The following KIAA0319 variants were observed in gnomAD, a reference collection of about 807,000 sequenced individuals.
KIAA0319 encodes the protein KIAA0319.
A neutral mutation model predicts 108.4 loss-of-function variants in KIAA0319; 83 were observed. The observed-to-expected ratio is 0.77, with a 90% CI of 0.64 to 0.92. KIAA0319 has a LOEUF of 0.92. KIAA0319 is among the 40% of genes least tolerant of loss of function. The pLI is 0.00. For synonymous variants in KIAA0319, 484 were observed against 510.4 expected (o/e 0.95, Z 0.70); for missense variants, 1,195 against 1,322.4 (o/e 0.90, Z 1.49).
chr6:24,554,879 T>A (rs1193876683), intron 18 of KIAA0319, among the ~76,000 whole-genome samples: 1 of 152,196 alleles, frequency 6.6e-6, no homozygotes, highest in Non-Finnish European at 1.5e-5. Context: ...TCATGCGAAC[T>A]TGGGAACAGA....
chr6:24,613,863 G>T (rs1772751130), intron 1 of KIAA0319, among the ~76,000 whole-genome samples: 1 of 152,012 alleles, frequency 6.6e-6, no homozygotes, highest in East Asian at 1.9e-4. Flanking sequence ...ATCTCAGCTG[G>T]GGCTGAGTGT....
chr6:24,585,976 T>C (rs1008293183), intron 4 of KIAA0319, among the ~76,000 whole-genome samples: 2 of 152,110 alleles, frequency 1.3e-5, no homozygotes, highest in Non-Finnish European at 2.9e-5. Flanking sequence ...GTAATCCCAG[T>C]TACTCAGGAA....
At chr6:24,605,946 T>G (rs1013655296) in intron 1 of KIAA0319, among the ~76,000 whole-genome samples, 2 of 151,968 alleles carry the variant, frequency 1.3e-5, no homozygotes, top group East Asian at 3.9e-4. Flanking sequence ...ATGTTTCTTT[T>G]TTTTTTTGAG....
At chr6:24,607,247 T>G (rs1164392046) in intron 1 of KIAA0319, among the ~76,000 whole-genome samples, 1 of 152,244 alleles carries the variant, frequency 6.6e-6, no homozygotes, top group African/African-American at 2.4e-5. Context: ...TCCCAGCTAC[T>G]TGAGAGGCTG....
intron 3 of KIAA0319, among the ~76,000 whole-genome samples, chr6:24,592,083 T>G (rs1301603818): frequency 6.6e-6 from 1 of 152,224 alleles, no homozygotes; most frequent in Non-Finnish European, 1.5e-5. Flanking sequence ...TGCTATGCTT[T>G]TGATGTACTA....
chr6:24,564,498 G>A (rs1049189079), intron 14 of KIAA0319, among the ~76,000 whole-genome samples, 158 bp from the exon 15 acceptor site: 10 of 152,130 alleles, frequency 6.6e-5, no homozygotes, highest in Non-Finnish European at 1.2e-4. Flanking sequence ...GCTAAAGACT[G>A]GAGAAATCCT....
chr6:24,584,406 T>C (rs972544084), intron 4 of KIAA0319, among the ~76,000 whole-genome samples: 1 of 120,382 alleles, frequency 8.3e-6, no homozygotes, highest in Non-Finnish European at 1.6e-5. Flanking sequence ...TATGTCCAGA[T>C]ACTACACAGA....
Position 24,593,187 on chromosome 6 carries a change from C to T in KIAA0319, c.801+2686G>A, listed in dbSNP as rs985545635. Among the ~76,000 whole-genome samples, 6 of 152,030 alleles carry T rather than the reference C, an allele frequency of 3.9e-5. No homozygotes were observed. In the South Asian group the frequency reaches 1.2e-3, roughly 32 times the overall value. On this transcript the variant is annotated intron_variant, in intron 3 of 20. Transcript: ENST00000378214. ...CTTCAACTGAACTCCCTCCTTTCCT[C>T]ACTGGAAACCCAGTTTTGCCTCTGT... is the stretch of plus-strand genomic sequence containing the variant.
intron 15 of KIAA0319, 143 bp from the exon 16 acceptor site, chr6:24,563,661 A>C (rs1353833697): frequency 1.5e-6 from 1 of 656,034 alleles, no homozygotes; most frequent in African/African-American, 1.8e-5. Flanking sequence ...AATTCTTCTA[A>C]ACACCGCAAA....
At chr6:24,643,652 T>C (rs1441011927) in intron 1 of KIAA0319, among the ~76,000 whole-genome samples, 1 of 152,234 alleles carries the variant, frequency 6.6e-6, no homozygotes, top group African/African-American at 2.4e-5. Flanking sequence ...GCTTTGGACA[T>C]GTCAAAATAA....
At chr6:24,640,969 T>A (rs1053961661) in intron 1 of KIAA0319, among the ~76,000 whole-genome samples, 2 of 152,200 alleles carry the variant, frequency 1.3e-5, no homozygotes, top group African/African-American at 2.4e-5. Flanking sequence ...TAACCATTTT[T>A]AAATATACAA....
intron 16 of KIAA0319, among the ~76,000 whole-genome samples, chr6:24,559,617 T>A (rs1365180228): frequency 1.2e-4 from 18 of 148,624 alleles, no homozygotes; most frequent in South Asian, 2.1e-4. Flanking sequence ...TCCATAATAG[T>A]AAAAAAAAAA....
chr6:24,634,400 T>C (rs1775948552), intron 1 of KIAA0319, among the ~76,000 whole-genome samples: 1 of 152,196 alleles, frequency 6.6e-6, no homozygotes. Context: ...TGACCCATAA[T>C]GGGTGACAAA....
chr6:24,603,070 G>C (rs1324718797), intron 1 of KIAA0319, among the ~76,000 whole-genome samples: 1 of 152,202 alleles, frequency 6.6e-6, no homozygotes, highest in Non-Finnish European at 1.5e-5. Flanking sequence ...AGAAGAAAGT[G>C]GTAAATCTTG....
At chr6:24,635,715 T>C (rs1265000587) in intron 1 of KIAA0319, among the ~76,000 whole-genome samples, 1 of 152,208 alleles carries the variant, frequency 6.6e-6, no homozygotes, top group Non-Finnish European at 1.5e-5. Context: ...CCCAAGGAAC[T>C]GGATTCTGCC....
chr6:24,583,036 T>C (rs759120279), intron 5 of KIAA0319: 541 of 978,606 alleles, frequency 5.5e-4, no homozygotes, highest in Non-Finnish European at 6.3e-4. Context: ...TGAGAAATAG[T>C]CAAACACCTT....
Position 24,563,448 on chromosome 6 carries a change from C to T in KIAA0319, c.2502G>A (p.Lys834=), listed in dbSNP as rs2127443715. Residue 834 remains lysine, a synonymous_variant, in exon 16 of 21, where the codon AAG becomes AAA. Coordinates refer to ENST00000378214, the MANE Select transcript of KIAA0319 (RefSeq NM_014809.4). The part of the protein sequence containing the change: ...VGVGQLTEQR[K]DTLVRQLAVL... ...CAGCCAGCTGCCTCACAAGGGTGTC[C>T]TTCCGCTGCTCTGTCAGCTGCCCAA... The T allele has an allele frequency of 2.5e-6, 4 of 1,613,746 alleles. No homozygotes were observed. Among genetic ancestry groups the T allele is most frequent in the Non-Finnish European group, 3.4e-6 (4 of 1,179,956 alleles).
At position 24,564,332 on chromosome 6, in the gene KIAA0319, G is replaced by C. The variant is rs754096986; in HGVS notation, c.2301C>G (p.Ile767Met). The C allele has an allele frequency of 3.1e-6, 5 of 1,614,164 alleles. No homozygotes were observed. The highest frequency in any genetic ancestry group is 4.2e-6 in the Non-Finnish European group (5 of 1,179,994). The change falls in exon 15 of 21, where the codon ATC (isoleucine) becomes ATG (methionine). Residue 767 changes from isoleucine to methionine, a missense_variant. Coordinates refer to ENST00000378214, the MANE Select transcript of KIAA0319 (RefSeq NM_014809.4). ...DGQSPAAGDV[I>M]DGSDHSVALQ... ...GAGCCACACTGTGGTCAGAGCCATC[G>C]ATGACATCCTGCGAAAGAACACGGA...
At chr6:24,643,387 T>A (rs374103750) in intron 1 of KIAA0319, among the ~76,000 whole-genome samples, 254 of 152,248 alleles carry the variant, frequency 1.7e-3, no homozygotes, top group African/African-American at 4.1e-3. Flanking sequence ...ACACAATATA[T>A]CCACATAACA....
Sources: gnomAD v4.1 joint callset for allele counts (sites outside exome capture counted in the v4.1 genomes callset) on GRCh38, gnomAD v4.1.1 for gene constraint, MANE v1.5 for transcripts, NCBI Gene and HGNC (gene_info 2026-07-23, HGNC 2026-07-21) for gene names.